DLG2: variants seen among roughly 807,000 people sequenced by gnomAD.
DLG2 encodes the protein discs large MAGUK scaffold protein 2.
In DLG2, 45 loss-of-function variants were observed where a neutral mutation model predicts 132.5. The ratio of observed to expected loss-of-function variants is 0.34; its 90% CI spans 0.27 to 0.44. The LOEUF (loss-of-function observed/expected upper bound fraction) is 0.44. Among genes scored for constraint, DLG2 ranks in the 20% least tolerant of loss-of-function variants. The pLI, the probability that DLG2 is intolerant of heterozygous loss-of-function variation, is 1.00. For synonymous variants in DLG2, 424 were observed against 419.6 expected (o/e 1.01, Z -0.13); for missense variants, 1,045 against 1,196.9 (o/e 0.87, Z 1.87).
At chr11:84,479,414 G>A (rs1053656550) in intron 7 of DLG2, among the ~76,000 whole-genome samples, 3 of 151,810 alleles carry the variant, frequency 2.0e-5, no homozygotes, top group African/African-American at 7.3e-5. Context: ...TCTTACTCTT[G>A]TTCAGATATA....
At chr11:83,990,794 T>C (rs1008793624) in intron 11 of DLG2, among the ~76,000 whole-genome samples, 3 of 152,110 alleles carry the variant, frequency 2.0e-5, no homozygotes, top group African/African-American at 7.2e-5. Flanking sequence ...CTGTCAGAGT[T>C]TATTTAGGAT....
chr11:84,176,883 TCTTTTCTTTC>T (rs1306567144), intron 8 of DLG2, among the ~76,000 whole-genome samples: 3 of 151,948 alleles, frequency 2.0e-5, no homozygotes, highest in South Asian at 2.1e-4. Context: ...TCTTTTCTTT[TCTTTTCTTTC>T]CTTTCCTTTC....
chr11:85,194,784 A>G (rs556037642), intron 4 of DLG2, among the ~76,000 whole-genome samples: 73 of 152,320 alleles, frequency 4.8e-4, no homozygotes, highest in African/African-American at 1.5e-3. Flanking sequence ...GGAGTAGCAC[A>G]AAGCAGATGA....
intron 3 of DLG2, among the ~76,000 whole-genome samples, chr11:85,444,340 C>G (rs1433823838): frequency 6.6e-6 from 1 of 151,898 alleles, no homozygotes; most frequent in East Asian, 1.9e-4. Flanking sequence ...GCAGCTATAG[C>G]TGAGTAAAAA....
chr11:84,619,197 C>G (rs6592192), intron 6 of DLG2, among the ~76,000 whole-genome samples: 3 of 151,392 alleles, frequency 2.0e-5, no homozygotes, highest in Non-Finnish European at 4.4e-5. Flanking sequence ...ATTATTAAAT[C>G]AGAAATTAAT....
At chr11:85,238,533 T>C (rs1040286553) in intron 4 of DLG2, among the ~76,000 whole-genome samples, 9 of 152,034 alleles carry the variant, frequency 5.9e-5, no homozygotes, top group African/African-American at 1.9e-4. Context: ...CGTGAGCCAC[T>C]GTGTCCCACC....
At chr11:85,302,212 T>G (rs1352088507) in intron 3 of DLG2, among the ~76,000 whole-genome samples, 2 of 152,210 alleles carry the variant, frequency 1.3e-5, no homozygotes, top group Non-Finnish European at 2.9e-5. Flanking sequence ...TCACAAATAA[T>G]GATTTTGCCC....
intron 3 of DLG2, among the ~76,000 whole-genome samples, chr11:85,552,770 A>G (rs562792923): frequency 6.6e-6 from 1 of 151,608 alleles, no homozygotes; most frequent in East Asian, 1.9e-4. Flanking sequence ...ATAATGACAG[A>G]ATGAATGTTA....
intron 7 of DLG2, among the ~76,000 whole-genome samples, chr11:84,497,907 T>C (rs1172258776): frequency 6.6e-6 from 1 of 152,156 alleles, no homozygotes; most frequent in African/African-American, 2.4e-5. Context: ...CTGATTGAGC[T>C]ATGGCTTGTA....
intron 11 of DLG2, among the ~76,000 whole-genome samples, chr11:84,056,096 G>C (rs1480632822): frequency 5.9e-5 from 9 of 151,880 alleles, no homozygotes; most frequent in Admixed American, 5.9e-4. Context: ...TGGAATACAT[G>C]TACAGAATGT....
chr11:84,015,761 A>T (rs2095147005), intron 11 of DLG2, among the ~76,000 whole-genome samples: 1 of 152,108 alleles, frequency 6.6e-6, no homozygotes, highest in South Asian at 2.1e-4. Flanking sequence ...TATATGTACC[A>T]CATTTTCTTT....
chr11:83,792,344 C>T lies in DLG2; in HGVS notation c.1723-5552G>A, dbSNP rs576641681. 2.1e-3 allele frequency among the ~76,000 whole-genome samples: 317 copies of T among 151,818 alleles called. 1 individual carries two copies. The highest frequency in any genetic ancestry group is 4.0e-3 in the Admixed American group (61 of 15,260). On this transcript the variant is annotated intron_variant, in intron 17 of 27. Transcript: ENST00000376104. ...ATATAGGAACTAATAAATAAGAAAA[C>T]AAAAACAGGCCATAATTGAATTGCC...
At chr11:84,173,495 C>T (rs2095868987) in intron 8 of DLG2, among the ~76,000 whole-genome samples, 1 of 152,130 alleles carries the variant, frequency 6.6e-6, no homozygotes, top group Non-Finnish European at 1.5e-5. Flanking sequence ...CCAAAAGTAT[C>T]AAGAACTCAA....
intron 8 of DLG2, among the ~76,000 whole-genome samples, chr11:84,200,233 A>C (rs2096574483): frequency 6.6e-6 from 1 of 152,156 alleles, no homozygotes; most frequent in East Asian, 1.9e-4. Flanking sequence ...GTAATTTTAC[A>C]ATAGATCATA....
At chr11:84,308,670 C>CGA (rs1599587734) in intron 7 of DLG2, among the ~76,000 whole-genome samples, 1 of 152,242 alleles carries the variant, frequency 6.6e-6, no homozygotes, top group African/African-American at 2.4e-5. Flanking sequence ...GGCATGGTCC[C>CGA]GAGCCCTGCC....
intron 3 of DLG2, among the ~76,000 whole-genome samples, chr11:85,560,602 G>A (rs890298657): frequency 1.3e-5 from 2 of 151,846 alleles, no homozygotes; most frequent in Non-Finnish European, 2.9e-5. Context: ...TTATGATGAT[G>A]GGAATGCTCT....
intron 5 of DLG2, among the ~76,000 whole-genome samples, chr11:85,120,291 A>G (rs138753782): frequency 2.0e-5 from 3 of 152,226 alleles, no homozygotes; most frequent in Non-Finnish European, 2.9e-5. Flanking sequence ...GCCAACATCA[A>G]GCAATAGCCA....
intron 18 of DLG2, among the ~76,000 whole-genome samples, chr11:83,707,648 A>G (rs939412756): frequency 6.6e-6 from 1 of 152,178 alleles, no homozygotes; most frequent in African/African-American, 2.4e-5. Flanking sequence ...TTCAGCCTGG[A>G]CAACAGAGTG....
chr11:85,298,114 T>C (rs549684013), intron 3 of DLG2, among the ~76,000 whole-genome samples: 1 of 152,110 alleles, frequency 6.6e-6, no homozygotes, highest in East Asian at 1.9e-4. Context: ...GCAGTAGCAA[T>C]GGGAGACTGG....
Sources: gnomAD v4.1 joint callset for allele counts (sites outside exome capture counted in the v4.1 genomes callset) on GRCh38, gnomAD v4.1.1 for gene constraint, MANE v1.5 for transcripts, NCBI Gene and HGNC (gene_info 2026-07-23, HGNC 2026-07-21) for gene names.